Variants in ZNF704 observed in about 807,000 individuals in gnomAD.
The protein encoded by ZNF704 is glucocorticoid induced gene 1.
Under a neutral mutation model 44.7 loss-of-function variants are expected in ZNF704, and 10 were observed. The observed-to-expected ratio is 0.22, with a 90% CI of 0.14 to 0.38. The LOEUF is 0.38. ZNF704 is among the 10% of genes least tolerant of loss of function. The pLI is 1.00. For synonymous variants in ZNF704, 211 were observed against 207.6 expected (o/e 1.02, Z -0.14); for missense variants, 390 against 545.5 (o/e 0.71, Z 2.84).
chr8:80,735,981 A>G (rs554290159), intron 2 of ZNF704, among the ~76,000 whole-genome samples: 2 of 152,328 alleles, frequency 1.3e-5, no homozygotes, highest in South Asian at 4.1e-4. Flanking sequence ...TAACCAAGCA[A>G]GCATTAACTA....
intron 1 of ZNF704, among the ~76,000 whole-genome samples, chr8:80,847,730 A>C (rs2129987501): frequency 1.3e-5 from 2 of 151,730 alleles, no homozygotes; most frequent in South Asian, 4.1e-4. Flanking sequence ...GTGTTTTAAC[A>C]AACAGTCTGA....
At chr8:80,716,291 C>CA (rs1819071349) in intron 2 of ZNF704, among the ~76,000 whole-genome samples, 1 of 152,214 alleles carries the variant, frequency 6.6e-6, no homozygotes, top group Admixed American at 6.5e-5. Flanking sequence ...TTGGTGCTCA[C>CA]AGGTCAAGAA....
chr8:80,710,390 G>A (rs954086470), intron 2 of ZNF704, among the ~76,000 whole-genome samples: 3 of 151,980 alleles, frequency 2.0e-5, no homozygotes, highest in Non-Finnish European at 4.4e-5. Context: ...CATTTTTTTA[G>A]GGATGAGGAA....
At chr8:80,678,010 T>C (rs1187232713) in intron 4 of ZNF704, among the ~76,000 whole-genome samples, 1 of 152,254 alleles carries the variant, frequency 6.6e-6, no homozygotes, top group Non-Finnish European at 1.5e-5. Context: ...AATTATAAGA[T>C]GGTTTTCTCT....
chr8:80,706,983 T>C (rs1032705941), intron 2 of ZNF704, among the ~76,000 whole-genome samples: 3 of 152,186 alleles, frequency 2.0e-5, no homozygotes, highest in African/African-American at 7.2e-5. Flanking sequence ...AAAATTGTCA[T>C]CTTTTTAAAA....
intron 2 of ZNF704, among the ~76,000 whole-genome samples, chr8:80,720,250 T>C (rs1585979305): frequency 6.6e-6 from 1 of 152,326 alleles, no homozygotes; most frequent in East Asian, 1.9e-4. Flanking sequence ...CCCATCTCCT[T>C]TGGAAGTCAT....
chr8:80,644,669 G>A (rs990350548), intron 7 of ZNF704, among the ~76,000 whole-genome samples: 7 of 152,270 alleles, frequency 4.6e-5, no homozygotes, highest in African/African-American at 1.7e-4. Flanking sequence ...TGCCAAGTGT[G>A]TTCTGGATAC....
chr8:80,881,618 CT>C, the ZNF704 span, among the ~76,000 whole-genome samples: 1 of 152,090 alleles, frequency 6.6e-6, no homozygotes, highest in African/African-American at 2.4e-5. Context: ...CCCACTTTCC[CT>C]ATTTTTTTGC....
chr8:80,806,239 A>T lies in ZNF704; in HGVS notation c.221+15135T>A, dbSNP rs529080924. On this transcript the variant is annotated intron_variant, in intron 2 of 8. Coordinates refer to ENST00000327835, the MANE Select transcript of ZNF704 (RefSeq NM_001033723.3). ...TCAAACCCAAAGTCTTAATTTTTTT[A>T]AAAAACCAATTTTCCCATCTTTCAA... Among the ~76,000 whole-genome samples, 8 of 152,310 alleles carry T rather than the reference A, an allele frequency of 5.3e-5. No individual in the cohort carries two copies. The South Asian group carries it at 8.3e-4, about 16-fold the overall frequency.
intron 1 of ZNF704, among the ~76,000 whole-genome samples, chr8:80,856,330 AT>A (rs1005533138): frequency 6.6e-6 from 1 of 151,870 alleles, no homozygotes; most frequent in South Asian, 2.1e-4. Context: ...AATTGACTTG[AT>A]TTTTTTTGTT....
rs548970607 is a variant in ZNF704 at position 80,756,003 on chromosome 8, G to A, written c.222-62896C>T. Reference sequence around the variant, plus strand: ...ACACATCTGCAGTCCCAGCTACGTGGGAGGCTGAGAAGGAAGGATGGCTTT... The same window carrying A: ...ACACATCTGCAGTCCCAGCTACGTGAGAGGCTGAGAAGGAAGGATGGCTTT... On this transcript the variant is annotated intron_variant, in intron 2 of 8. Coordinates refer to ENST00000327835, the MANE Select transcript of ZNF704 (RefSeq NM_001033723.3). Among the ~76,000 whole-genome samples the A allele has an allele frequency of 1.4e-3, 208 of 152,142 alleles. 1 individual carries two copies. Among genetic ancestry groups the A allele is most frequent in the African/African-American group, 4.4e-3 (182 of 41,494 alleles).
At chr8:80,740,982 AC>A (rs1231088480) in intron 2 of ZNF704, among the ~76,000 whole-genome samples, 28 of 152,314 alleles carry the variant, frequency 1.8e-4, no homozygotes, top group African/African-American at 6.5e-4. Context: ...AGGTTTCCAA[AC>A]CAAAGGCTCA....
At chr8:80,793,579 T>C (rs1413102872) in intron 2 of ZNF704, among the ~76,000 whole-genome samples, 1 of 152,034 alleles carries the variant, frequency 6.6e-6, no homozygotes, top group African/African-American at 2.4e-5. Context: ...TATAAAGAAA[T>C]GGGTAGAATA....
At chr8:80,738,088 G>A (rs1343149369) in intron 2 of ZNF704, among the ~76,000 whole-genome samples, 2 of 152,132 alleles carry the variant, frequency 1.3e-5, no homozygotes. Context: ...TTTTCTCATG[G>A]TCACACTGGG....
Position 80,714,790 on chromosome 8 carries a change from T to C in ZNF704, c.222-21683A>G, listed in dbSNP as rs995609790. On this transcript the variant is annotated intron_variant, in intron 2 of 8. Coordinates refer to ENST00000327835, the MANE Select transcript of ZNF704 (RefSeq NM_001033723.3). ...TTTTAAGTCACATGGCGGCGGTAAG[T>C]TGGGGAGAGGGTGGCAAGAGGCAGG... 9.2e-5 allele frequency among the ~76,000 whole-genome samples: 14 copies of C among 152,236 alleles called. 1 individual carries two copies. The East Asian group carries it at 2.7e-3, about 29-fold the overall frequency.
intron 4 of ZNF704, chr8:80,673,091 T>TACCGGCAATAA (rs1818308570): frequency 6.6e-6 from 1 of 152,248 alleles, no homozygotes; most frequent in Non-Finnish European, 1.5e-5. Flanking sequence ...ATGAAACATC[T>TACCGGCAATAA]ATGATTTTGA....
intron 2 of ZNF704, among the ~76,000 whole-genome samples, chr8:80,787,112 GAAGAGAA>G (rs1807627765): frequency 6.6e-6 from 1 of 152,156 alleles, no homozygotes; most frequent in Non-Finnish European, 1.5e-5. Flanking sequence ...ATAACCTCAT[GAAGAGAA>G]AAGATTTTGT....
intron 2 of ZNF704, among the ~76,000 whole-genome samples, chr8:80,721,136 T>TG (rs1195829242): frequency 1.1e-4 from 17 of 152,208 alleles, no homozygotes; most frequent in African/African-American, 4.1e-4. Context: ...CTCAGCACTG[T>TG]CTCCTATGCT....
intron 1 of ZNF704, chr8:80,873,762 C>A: frequency 6.5e-6 from 1 of 153,070 alleles, no homozygotes; most frequent in South Asian, 1.8e-4. Context: ...CCGCCCTCCT[C>A]GTCCTCGTCT....
Sources: allele counts gnomAD v4.1 joint callset (sites outside exome capture counted in the v4.1 genomes callset), GRCh38; gene constraint gnomAD v4.1.1; transcripts MANE v1.5; gene names NCBI Gene and HGNC (gene_info 2026-07-23, HGNC 2026-07-21).